The following RAB11FIP2 variants were observed in gnomAD, a reference collection of about 807,000 sequenced individuals.
RAB11FIP2 encodes rab11 family-interacting protein 2.
RAB11FIP2 carries 16 observed loss-of-function variants against 40.9 expected under a neutral mutation model. That is an observed-to-expected ratio of 0.39 (90% CI 0.26 to 0.59). The LOEUF is 0.59. Among genes scored for constraint, RAB11FIP2 ranks in the 20% least tolerant of loss-of-function variants. RAB11FIP2 has a pLI of 0.53. For synonymous variants in RAB11FIP2, 228 were observed against 213.7 expected (o/e 1.07, Z -0.58); for missense variants, 532 against 606.2 (o/e 0.88, Z 1.28).
chr10:118,009,432 C>G (rs1846131653), intron 4 of RAB11FIP2, among the ~76,000 whole-genome samples: 1 of 152,148 alleles, frequency 6.6e-6, no homozygotes, highest in African/African-American at 2.4e-5. Flanking sequence ...GACTATAACT[C>G]TAAATCCTAA....
chr10:118,035,543 G>C (rs1341289540), intron 3 of RAB11FIP2, among the ~76,000 whole-genome samples: 1 of 152,094 alleles, frequency 6.6e-6, no homozygotes, highest in African/African-American at 2.4e-5. Context: ...GCTATACTGT[G>C]TGCATTAGGA....
intron 4 of RAB11FIP2, among the ~76,000 whole-genome samples, chr10:118,011,445 T>C (rs2133161214): frequency 6.6e-6 from 1 of 152,088 alleles, no homozygotes; most frequent in Non-Finnish European, 1.5e-5. Flanking sequence ...TTGGTCATAA[T>C]ATATAGTTTG....
At chr10:118,015,591 T>A (rs1447575794) in intron 3 of RAB11FIP2, among the ~76,000 whole-genome samples, 1 of 152,160 alleles carries the variant, frequency 6.6e-6, no homozygotes, top group African/African-American at 2.4e-5. Context: ...CATTACCCTA[T>A]CAATAAGAAT....
chr10:118,030,244 C>G (rs1307047551), intron 3 of RAB11FIP2, among the ~76,000 whole-genome samples: 2 of 152,046 alleles, frequency 1.3e-5, no homozygotes, highest in East Asian at 3.9e-4. Flanking sequence ...AAAAGTTAAA[C>G]CAAAAACCTT....
chr10:118,034,115 C>T, intron 3 of RAB11FIP2: 2 of 694,764 alleles, frequency 2.9e-6, no homozygotes, highest in Non-Finnish European at 2.6e-6. Flanking sequence ...TCAACGCTAC[C>T]ACCGTACACA....
In RAB11FIP2 at chr10:118,033,940, G is replaced by A. The variant is rs752295597; in HGVS notation, c.1265+5032C>T. ...CACTTGGCTATTCCTCGTCAGGTGG[G>A]CCTTCCACTTGCATGCAGAGACCCA... On this transcript the variant is annotated intron_variant, in intron 3 of 4. Coordinates refer to ENST00000355624, the MANE Select transcript of RAB11FIP2 (RefSeq NM_014904.3). The A allele has an allele frequency of 4.3e-6, 3 of 701,236 alleles. 1 individual carries two copies. The South Asian group carries it at 4.4e-5, about 10-fold the overall frequency. The allele number at this position is 701,236 out of a possible 1,614,324, so 43.4% of individuals were successfully genotyped here.
chr10:118,011,051 T>C (rs753754864), intron 4 of RAB11FIP2, among the ~76,000 whole-genome samples: 8 of 152,022 alleles, frequency 5.3e-5, no homozygotes, highest in Non-Finnish European at 1.2e-4. Context: ...ATTAAAGCTA[T>C]GTTCCAGGAA....
In RAB11FIP2 at chr10:118,039,271, T is replaced by C; in HGVS notation, c.966A>G (p.Lys322=). 1 of 1,613,766 alleles carries C rather than the reference T, an allele frequency of 6.2e-7. No homozygotes were observed. The highest frequency in any genetic ancestry group is 8.5e-7 in the Non-Finnish European group (1 of 1,179,772). ...TTTCGCTGCTTTCTTCAAATGGATT[T>C]TTCTTCCTTGGCAGTGTTGCAAATT... ...PQKFATLPRK[K]NPFEESSETW... The change falls in exon 3 of 5, where the codon AAA becomes AAG. Residue 322 remains lysine, a synonymous_variant. Transcript: ENST00000355624.
At position 118,046,481 on chromosome 10, in the gene RAB11FIP2, A is replaced by C. The variant is rs1190955829; in HGVS notation, c.-318T>G. 25 of 253,672 alleles carry C rather than the reference A, an allele frequency of 9.9e-5. No individual in the cohort carries two copies. The highest frequency in any genetic ancestry group is 3.1e-4 in the East Asian group (4 of 12,802). The allele number at this position is 253,672 out of a possible 1,614,324, so 15.7% of individuals were successfully genotyped here. Reference sequence around the variant, plus strand: ...TGCGGGGCACGTGAGGCCTGGCCACACGGACCCGGGCGGAGGGCTGCGGGG... The same window carrying C: ...TGCGGGGCACGTGAGGCCTGGCCACCCGGACCCGGGCGGAGGGCTGCGGGG... On this transcript the variant is annotated 5_prime_UTR_variant, in exon 1 of 5. Transcript: ENST00000355624.
intron 2 of RAB11FIP2, 61 bp downstream of exon 2, chr10:118,040,062 T>A (rs1846534763): frequency 6.9e-7 from 1 of 1,457,814 alleles, no homozygotes; most frequent in East Asian, 2.3e-5. Flanking sequence ...ATTTAGAAAT[T>A]AAACTTTAAA....
In RAB11FIP2 at chr10:118,039,381, G is replaced by T; in HGVS notation, c.856C>A (p.Pro286Thr). The T allele has an allele frequency of 6.2e-7, 1 of 1,613,458 alleles. No homozygotes were observed. The highest frequency in any genetic ancestry group is 2.2e-5 in the East Asian group (1 of 44,852). Residue 286 changes from proline (P) to threonine (T), a missense_variant, in exon 3 of 5, where the codon CCT becomes ACT. Pro to Thr is a conservative substitution (Grantham distance 38). Transcript: ENST00000355624. Reference sequence around the variant, plus strand: ...TCACCTTCATCCACAATGCTGTCAGGTTGGTTCATTTTAGAAGTATCAAAG... The same window carrying T: ...TCACCTTCATCCACAATGCTGTCAGTTTGGTTCATTTTAGAAGTATCAAAG... Reference protein sequence around the residue: ...LSFDTSKMNQPDSIVDEGELC... With the variant: ...LSFDTSKMNQTDSIVDEGELC...
chr10:118,021,486 C>T (rs1846282519), intron 3 of RAB11FIP2, among the ~76,000 whole-genome samples: 1 of 152,194 alleles, frequency 6.6e-6, no homozygotes, highest in South Asian at 2.1e-4. Context: ...CCTGTATTTA[C>T]TCACTAGGAC....
chr10:118,023,204 CCA>C (rs1213603649), intron 3 of RAB11FIP2, among the ~76,000 whole-genome samples: 3 of 152,068 alleles, frequency 2.0e-5, no homozygotes, highest in Non-Finnish European at 2.9e-5. Flanking sequence ...AACGTTTATT[CCA>C]CAGAGGTTAC....
At chr10:118,024,480 T>TGTGTGTGC (rs995696239) in intron 3 of RAB11FIP2, among the ~76,000 whole-genome samples, 3 of 141,422 alleles carry the variant, frequency 2.1e-5, no homozygotes, top group South Asian at 2.1e-4. Context: ...CGTGTGTGTG[T>TGTGTGTGC]GTGTGTGTGT....
In RAB11FIP2 at chr10:118,039,244, T is replaced by A. The variant is rs768617615; in HGVS notation, c.993A>T (p.Thr331=). 2 of 1,613,662 alleles carry A rather than the reference T, an allele frequency of 1.2e-6. No homozygotes were observed. The highest frequency in any genetic ancestry group is 1.7e-6 in the Non-Finnish European group (2 of 1,179,766). ...KKNPFEESSE[T]WDSSMNLFSK... ...AAAATAAATTCATGCTGCTGTCCCA[T>A]GTTTCGCTGCTTTCTTCAAATGGAT... Residue 331 remains threonine (T), a synonymous_variant, in exon 3 of 5, where the codon ACA becomes ACT. Transcript: ENST00000355624.
intron 3 of RAB11FIP2, among the ~76,000 whole-genome samples, chr10:118,024,972 TC>T (rs1589642547): frequency 1.3e-5 from 2 of 152,092 alleles, no homozygotes; most frequent in African/African-American, 4.8e-5. Context: ...CAGCCAGACT[TC>T]CAGGGGCCCC....
chr10:118,007,173 A>G lies in RAB11FIP2; in HGVS notation c.*1825T>C, dbSNP rs913656525. 6.6e-6 allele frequency: 1 copy of G among 152,068 alleles called. No individual in the cohort carries two copies. The highest frequency in any genetic ancestry group is 2.4e-5 in the African/African-American group (1 of 41,394). The allele number at this position is 152,068 out of a possible 1,614,324, so 9.4% of individuals were successfully genotyped here. ...TAAAAGTGGCACCATGTTTAAAAAA[A>G]AAAAAAAAACTACCAAGACCTCAAA... is the stretch of plus-strand genomic sequence containing the variant. On this transcript the variant is annotated 3_prime_UTR_variant, in exon 5 of 5. Coordinates refer to ENST00000355624, the MANE Select transcript of RAB11FIP2 (RefSeq NM_014904.3).
At chr10:118,030,247 A>G (rs1311152330) in intron 3 of RAB11FIP2, among the ~76,000 whole-genome samples, 2 of 152,104 alleles carry the variant, frequency 1.3e-5, no homozygotes, top group African/African-American at 4.8e-5. Flanking sequence ...AGTTAAACCA[A>G]AAACCTTACA....
intron 3 of RAB11FIP2, among the ~76,000 whole-genome samples, chr10:118,031,465 A>C (rs931598758): frequency 6.6e-6 from 1 of 152,182 alleles, no homozygotes; most frequent in Admixed American, 6.5e-5. Flanking sequence ...AAAGACATTT[A>C]AATATACATT....
Sources: gnomAD v4.1 joint callset for allele counts (sites outside exome capture counted in the v4.1 genomes callset) on GRCh38, gnomAD v4.1.1 for gene constraint, MANE v1.5 for transcripts, NCBI Gene and HGNC (gene_info 2026-07-23, HGNC 2026-07-21) for gene names.